The following CCDC30 variants were observed in gnomAD, a reference collection of about 807,000 sequenced individuals.
CCDC30 encodes coiled-coil domain containing 30.
Under a neutral mutation model 100.2 loss-of-function variants are expected in CCDC30, and 70 were observed. That is an observed-to-expected ratio of 0.70 (90% CI 0.58 to 0.85). The LOEUF (loss-of-function observed/expected upper bound fraction) is 0.85, where lower values mean the gene tolerates loss of function less well. Among genes scored for constraint, CCDC30 ranks in the 40% least tolerant of loss-of-function variants. CCDC30 has a pLI of 0.00. For synonymous variants in CCDC30, 233 were observed against 269.5 expected (o/e 0.86, Z 1.33); for missense variants, 652 against 771.2 (o/e 0.85, Z 1.83).
rs748832067 is a variant in CCDC30 at position 42,577,237 on chromosome 1, T to C, written c.846+8T>C. ...GCTGATGCAGAGGAAAAGGTAATTA[T>C]CCTCATGCTTAATAAACAGCATACA... On this transcript the variant is annotated splice_region_variant and intron_variant, in intron 8 of 16. Transcript: ENST00000668663. 6.3e-7 allele frequency: 1 copy of C among 1,579,130 alleles called. No individual in the cohort carries two copies. Among genetic ancestry groups the C allele is most frequent in the South Asian group, 1.1e-5 (1 of 90,132 alleles).
exon 1 of CCDC30, chr1:42,463,505 G>A (rs974534025): frequency 2.6e-5 from 4 of 152,194 alleles, no homozygotes; most frequent in African/African-American, 9.7e-5. Flanking sequence ...ACTACAGGAG[G>A]GGAACCCCTC....
At chr1:42,564,514 T>C (rs1301178389) in intron 6 of CCDC30, among the ~76,000 whole-genome samples, 1 of 69,358 alleles carries the variant, frequency 1.4e-5, no homozygotes. Flanking sequence ...GGTCTTGAAC[T>C]CCTGACCTCC....
At chr1:42,610,720 C>T (rs139538352) in intron 10 of CCDC30, among the ~76,000 whole-genome samples, 23 of 152,038 alleles carry the variant, frequency 1.5e-4, no homozygotes, top group African/African-American at 4.3e-4. Flanking sequence ...TCATCACACG[C>T]GGCCTTGGAA....
At chr1:42,560,631 G>A (rs1645468037) in intron 6 of CCDC30, among the ~76,000 whole-genome samples, 1 of 151,998 alleles carries the variant, frequency 6.6e-6, no homozygotes, top group Non-Finnish European at 1.5e-5. Context: ...GGCCTCCCAA[G>A]TGCTGTTATT....
chr1:42,588,168 T>C (rs911692677), intron 9 of CCDC30, among the ~76,000 whole-genome samples: 2 of 152,166 alleles, frequency 1.3e-5, no homozygotes, highest in African/African-American at 4.8e-5. Context: ...GGAACTCAGA[T>C]ATAAATTTCA....
chr1:42,471,805 A>G (rs1340822390), intron 1 of CCDC30, among the ~76,000 whole-genome samples: 1 of 152,188 alleles, frequency 6.6e-6, no homozygotes, highest in African/African-American at 2.4e-5. Flanking sequence ...ACCATTTATC[A>G]TCTATAAATA....
intron 11 of CCDC30, among the ~76,000 whole-genome samples, chr1:42,626,390 G>C (rs985704070): frequency 1.3e-5 from 2 of 152,060 alleles, no homozygotes; most frequent in East Asian, 3.9e-4. Context: ...TAATACTCCT[G>C]ATGTTTTCTT....
chr1:42,619,141 G>T (rs74068481), intron 11 of CCDC30, among the ~76,000 whole-genome samples: 2,937 of 152,284 alleles, frequency 0.019, 93 homozygotes, highest in African/African-American at 0.066. Context: ...GGCATGCACT[G>T]ACAAGCAAGC....
At chr1:42,504,725 C>A (rs1352835198) in intron 6 of CCDC30, among the ~76,000 whole-genome samples, 2 of 152,180 alleles carry the variant, frequency 1.3e-5, no homozygotes, top group African/African-American at 2.4e-5. Context: ...ATTATTAATT[C>A]TTTTGTGACT....
chr1:42,514,273 A>T (rs1295468383), intron 6 of CCDC30, among the ~76,000 whole-genome samples: 1 of 152,188 alleles, frequency 6.6e-6, no homozygotes, highest in Admixed American at 6.5e-5. Context: ...AAGTGGAATT[A>T]TTGGGTCATA....
chr1:42,545,751 A>G (rs1175136722), intron 6 of CCDC30, among the ~76,000 whole-genome samples, 172 bp downstream of exon 9: 1 of 151,990 alleles, frequency 6.6e-6, no homozygotes, highest in Non-Finnish European at 1.5e-5. Context: ...GTTTGAGACC[A>G]GCCTGGGCAA....
At chr1:42,480,749 A>G (rs931490789) in intron 2 of CCDC30, among the ~76,000 whole-genome samples, 183 bp downstream of exon 2, 7 of 152,204 alleles carry the variant, frequency 4.6e-5, no homozygotes, top group African/African-American at 1.7e-4. Context: ...AAGAAATTAT[A>G]ATCCTTTACT....
At position 42,559,165 on chromosome 1, in the gene CCDC30, A is replaced by G. The variant is rs772545690; in HGVS notation, c.457-7131A>G. 9.2e-5 allele frequency among the ~76,000 whole-genome samples: 14 copies of G among 152,314 alleles called. 1 individual carries two copies. The highest frequency in any genetic ancestry group is 3.4e-4 in the African/African-American group (14 of 41,562). ...GAAACACTAAATATGGAAAGGAAAA[A>G]CCGGTACCAGCCACTGCAAAAACAC... On this transcript the variant is annotated intron_variant, in intron 6 of 16. Transcript: ENST00000668663.
At chr1:42,489,639 G>A (rs955041471) in intron 3 of CCDC30, among the ~76,000 whole-genome samples, 1 of 152,210 alleles carries the variant, frequency 6.6e-6, no homozygotes, top group East Asian at 1.9e-4. Context: ...AAAACCTGAA[G>A]TAGAGAGCCC....
At chr1:42,589,220 A>G in intron 9 of CCDC30, 101 bp from the exon 14 acceptor site, 1 of 856,364 alleles carries the variant, frequency 1.2e-6, no homozygotes, top group Non-Finnish European at 1.7e-6. Context: ...TACTTCATTG[A>G]ACCAAAAAAA....
At chr1:42,597,067 T>G (rs1646303723) in intron 10 of CCDC30, among the ~76,000 whole-genome samples, 1 of 152,090 alleles carries the variant, frequency 6.6e-6, no homozygotes, top group African/African-American at 2.4e-5. Flanking sequence ...AAGAGCTCTG[T>G]CCTTGAGGAC....
chr1:42,470,073 G>T (rs1195433308), intron 1 of CCDC30, among the ~76,000 whole-genome samples: 1 of 152,166 alleles, frequency 6.6e-6, no homozygotes. Context: ...GCTGAGATTT[G>T]CAAGGAAGGT....
At chr1:42,652,739 A>G (rs1261758205) in intron 15 of CCDC30, among the ~76,000 whole-genome samples, 1 of 152,232 alleles carries the variant, frequency 6.6e-6, no homozygotes, top group Non-Finnish European at 1.5e-5. Context: ...AACATAATGA[A>G]GCTTGAAAAC....
intron 9 of CCDC30, among the ~76,000 whole-genome samples, chr1:42,584,567 T>A (rs1201683600): frequency 6.6e-6 from 1 of 151,798 alleles, no homozygotes; most frequent in African/African-American, 2.4e-5. Context: ...CACTCCAACG[T>A]GGGCAACAGG....
Sources: allele counts gnomAD v4.1 joint callset (sites outside exome capture counted in the v4.1 genomes callset), GRCh38; gene constraint gnomAD v4.1.1; transcripts MANE v1.5; gene names NCBI Gene and HGNC (gene_info 2026-07-23, HGNC 2026-07-21).